PLD5: variants seen among roughly 807,000 people sequenced by gnomAD.
PLD5 encodes the protein phospholipase D family member 5.
In PLD5, 36 loss-of-function variants were observed where a neutral mutation model predicts 61.1. The observed-to-expected ratio is 0.59, with a 90% CI of 0.45 to 0.78. PLD5 has a LOEUF of 0.78. Among genes scored for constraint, PLD5 ranks in the 30% least tolerant of loss-of-function variants. PLD5 has a pLI of 0.00. For missense variants in PLD5, 515 were observed against 644.4 expected (o/e 0.80, Z 2.17); for synonymous variants, 243 against 242.8 (o/e 1.00, Z -0.01).
At chr1:242,302,267 CATT>C (rs1416777992) in intron 2 of PLD5, among the ~76,000 whole-genome samples, 3 of 152,208 alleles carry the variant, frequency 2.0e-5, no homozygotes, top group Non-Finnish European at 4.4e-5. Context: ...AACAGATACC[CATT>C]ATTAAGTGAT....
upstream of PLD5, among the ~76,000 whole-genome samples, chr1:242,526,733 G>T (rs1299289366): frequency 6.6e-6 from 1 of 152,074 alleles, no homozygotes; most frequent in Non-Finnish European, 1.5e-5. Flanking sequence ...ATTACACTTT[G>T]CCCTACTATT....
rs144975051 is a variant in PLD5 at position 242,260,766 on chromosome 1, G to A, written c.607+4571C>T. 6.9e-3 allele frequency among the ~76,000 whole-genome samples: 1,045 copies of A among 152,184 alleles called. 16 individuals are homozygous for A. The highest frequency in any genetic ancestry group is 0.024 in the African/African-American group (980 of 41,504). On this transcript the variant is annotated intron_variant, in intron 4 of 9. Coordinates refer to ENST00000536534, the MANE Select transcript of PLD5 (RefSeq NM_001372062.1). ...AGGATAAATAGAACAATCTCCAAAC[G>A]TTTGAAAATTAAGGATTACATTTCT...
chr1:242,135,214 CATAA>C (rs1308779568), intron 5 of PLD5, among the ~76,000 whole-genome samples: 3 of 152,050 alleles, frequency 2.0e-5, no homozygotes, highest in Non-Finnish European at 4.4e-5. Context: ...TATATCTGCA[CATAA>C]ATATATATAT....
In PLD5 at chr1:242,332,901, G is replaced by A. The variant is rs764929019; in HGVS notation, c.326+15205C>T. ...AAGTACTATATCAGAGGTCAGCTCT[G>A]GGCAGTGTGGTAACACCCAGGACAG... On this transcript the variant is annotated intron_variant, in intron 2 of 9. Transcript: ENST00000536534. 2.6e-5 allele frequency among the ~76,000 whole-genome samples: 4 copies of A among 152,306 alleles called. No individual in the cohort carries two copies. The East Asian group carries it at 5.8e-4, about 22-fold the overall frequency.
At chr1:242,281,849 G>A (rs1332584274) in intron 3 of PLD5, among the ~76,000 whole-genome samples, 3 of 151,950 alleles carry the variant, frequency 2.0e-5, no homozygotes, top group Non-Finnish European at 4.4e-5. Flanking sequence ...ATGAGTGAGA[G>A]TAAGACTGTG....
At chr1:242,459,827 G>GGAA (rs1327272720) in intron 1 of PLD5, among the ~76,000 whole-genome samples, 1 of 152,130 alleles carries the variant, frequency 6.6e-6, no homozygotes, top group East Asian at 1.9e-4. Context: ...TGTGACTCTT[G>GGAA]TGGAAAGCCT....
chr1:242,286,083 TG>T (rs1675005197), intron 3 of PLD5, among the ~76,000 whole-genome samples: 1 of 151,918 alleles, frequency 6.6e-6, no homozygotes, highest in Non-Finnish European at 1.5e-5. Context: ...CACTCCAACC[TG>T]GGCAACACAG....
At chr1:242,161,910 G>C (rs913259799) in intron 5 of PLD5, among the ~76,000 whole-genome samples, 1 of 152,186 alleles carries the variant, frequency 6.6e-6, no homozygotes, top group Non-Finnish European at 1.5e-5. Context: ...TACTCTGGTT[G>C]ATGACACTGG....
intron 9 of PLD5, among the ~76,000 whole-genome samples, chr1:242,092,582 A>ACTGC (rs1659918402): frequency 6.6e-6 from 1 of 152,192 alleles, no homozygotes; most frequent in Non-Finnish European, 1.5e-5. Context: ...CACAAAGGGA[A>ACTGC]CTGGCAGGCT....
chr1:242,358,361 C>G lies in PLD5; in HGVS notation c.190-10119G>C, dbSNP rs1660873993. ...TTTATGCATTTTCAGAGAAAGCCAC[C>G]TTTTCTGGCATTTATAAGAGTTCTT... On this transcript the variant is annotated intron_variant, in intron 1 of 9. Coordinates refer to ENST00000536534, the MANE Select transcript of PLD5 (RefSeq NM_001372062.1). Among the ~76,000 whole-genome samples, 4 of 151,460 alleles carry G rather than the reference C, an allele frequency of 2.6e-5. No individual in the cohort carries two copies. In the South Asian group the frequency reaches 8.4e-4, roughly 32 times the overall value.
intron 1 of PLD5, among the ~76,000 whole-genome samples, chr1:242,469,414 T>A (rs1248030402): frequency 6.6e-6 from 1 of 152,244 alleles, no homozygotes; most frequent in African/African-American, 2.4e-5. Context: ...ACATTTCAAG[T>A]ATTTATTGTC....
intron 1 of PLD5, among the ~76,000 whole-genome samples, chr1:242,502,537 A>G (rs1485038350): frequency 6.6e-6 from 1 of 152,244 alleles, no homozygotes; most frequent in Non-Finnish European, 1.5e-5. Context: ...ACACTGTTAA[A>G]TAAAAGATAC....
At chr1:242,500,761 T>C (rs1401932893) in intron 1 of PLD5, among the ~76,000 whole-genome samples, 3 of 151,710 alleles carry the variant, frequency 2.0e-5, no homozygotes, top group Admixed American at 6.6e-5. Flanking sequence ...ATGTAGTCCG[T>C]AATAAGGTGG....
intron 2 of PLD5, among the ~76,000 whole-genome samples, chr1:242,340,421 A>G (rs189050137): frequency 3.1e-4 from 47 of 152,150 alleles, no homozygotes; most frequent in African/African-American, 9.6e-4. Context: ...AATGTAGATA[A>G]GGGGAAAATT....
At chr1:242,527,634 G>A (rs140062422), upstream of PLD5, among the ~76,000 whole-genome samples, 383 of 152,246 alleles carry the variant, frequency 2.5e-3, 4 homozygotes, top group East Asian at 0.031. Flanking sequence ...AAACCTGGGC[G>A]CAGACTTATT....
chr1:242,396,007 C>T (rs1663550818), intron 1 of PLD5, among the ~76,000 whole-genome samples: 1 of 152,078 alleles, frequency 6.6e-6, no homozygotes, highest in Non-Finnish European at 1.5e-5. Context: ...GAGATTGCGC[C>T]ATTGCACTCC....
In PLD5 at chr1:242,394,842, A is replaced by G. The variant is rs1183067900; in HGVS notation, c.190-46600T>C. Among the ~76,000 whole-genome samples, 4 of 133,676 alleles carry G rather than the reference A, an allele frequency of 3.0e-5. 1 individual carries two copies. The highest frequency in any genetic ancestry group is 4.6e-5 in the Non-Finnish European group (3 of 65,268). 87.7% of individuals were successfully genotyped at this position (133,676 alleles called of 152,430 possible). A position where few individuals can be genotyped will look rare whatever the true frequency, so the allele number is the denominator to read the frequency against. ...TATATACATATATGTGAATATATAT[A>G]CATATGTGAATATATATGTATATAT... On this transcript the variant is annotated intron_variant, in intron 1 of 9. Coordinates refer to ENST00000536534, the MANE Select transcript of PLD5 (RefSeq NM_001372062.1).
At chr1:242,514,550 A>T (rs1669039313) in intron 1 of PLD5, among the ~76,000 whole-genome samples, 1 of 152,188 alleles carries the variant, frequency 6.6e-6, no homozygotes, top group Non-Finnish European at 1.5e-5. Context: ...GTGTTTACCC[A>T]TGTAACAAAC....
At chr1:242,424,883 G>A (rs1386835196) in intron 1 of PLD5, among the ~76,000 whole-genome samples, 1 of 152,136 alleles carries the variant, frequency 6.6e-6, no homozygotes, top group Non-Finnish European at 1.5e-5. Context: ...TGTAATCCCA[G>A]CACTTTGGGA....
Sources: gnomAD v4.1 joint callset for allele counts (sites outside exome capture counted in the v4.1 genomes callset) on GRCh38, gnomAD v4.1.1 for gene constraint, MANE v1.5 for transcripts, NCBI Gene and HGNC (gene_info 2026-07-23, HGNC 2026-07-21) for gene names.